Variants in RBM27 observed in about 807,000 individuals in gnomAD.
RBM27 encodes the protein RNA binding motif protein 27.
In RBM27, 22 loss-of-function variants were observed where a neutral mutation model predicts 135.3. That is an observed-to-expected ratio of 0.16 (90% CI 0.12 to 0.23). The LOEUF (loss-of-function observed/expected upper bound fraction) is 0.23. RBM27 is among the 10% of genes least tolerant of loss of function. The pLI is 1.00. For missense variants in RBM27, 1,009 were observed against 1,281.0 expected (o/e 0.79, Z 3.24); for synonymous variants, 481 against 442.4 (o/e 1.09, Z -1.10).
rs77117985 is a variant in RBM27 at position 146,236,443 on chromosome 5, A to T, written c.1145-855A>T. On this transcript the variant is annotated intron_variant, in intron 7 of 20. Coordinates refer to ENST00000265271, the MANE Select transcript of RBM27 (RefSeq NM_018989.2). ...AGCCGTTCTCCACCTTCACCCATAG[A>T]GGCAACCAGTCCTGCCTTTTTTCAC... Among the ~76,000 whole-genome samples the T allele has an allele frequency of 1.4e-3, 206 of 152,298 alleles. 1 individual carries two copies. Among genetic ancestry groups the T allele is most frequent in the African/African-American group, 4.9e-3 (204 of 41,574 alleles).
chr5:146,274,529 A>G (rs1013037815), intron 19 of RBM27, among the ~76,000 whole-genome samples: 2 of 152,304 alleles, frequency 1.3e-5, no homozygotes, highest in Middle Eastern at 6.8e-3. Context: ...TTGGCCTCCC[A>G]AAGTGCTGGG....
intron 1 of RBM27, among the ~76,000 whole-genome samples, chr5:146,205,485 C>T (rs780419714): frequency 2.0e-5 from 3 of 152,068 alleles, no homozygotes; most frequent in Admixed American, 2.0e-4. Flanking sequence ...AAAGGAACTT[C>T]TGGGGGACAG....
chr5:146,276,413 C>T (rs896663464), intron 19 of RBM27, among the ~76,000 whole-genome samples: 1 of 152,002 alleles, frequency 6.6e-6, no homozygotes, highest in Non-Finnish European at 1.5e-5. Flanking sequence ...TTATATAATT[C>T]GTTATAATTT....
intron 8 of RBM27, among the ~76,000 whole-genome samples, chr5:146,250,273 T>A (rs989874957): frequency 1.3e-5 from 2 of 151,932 alleles, no homozygotes; most frequent in Admixed American, 1.3e-4. Flanking sequence ...ACCCCGTCTC[T>A]ACTAAAAATA....
chr5:146,276,297 C>T (rs909309095), intron 19 of RBM27, among the ~76,000 whole-genome samples: 7 of 151,984 alleles, frequency 4.6e-5, no homozygotes, highest in South Asian at 4.1e-4. Context: ...AAATTGCATA[C>T]GACAGATGGT....
At position 146,255,852 on chromosome 5, in the gene RBM27, C is replaced by T. The variant is rs542088005; in HGVS notation, c.1594+760C>T. On this transcript the variant is annotated intron_variant, in intron 10 of 20. Coordinates refer to ENST00000265271, the MANE Select transcript of RBM27 (RefSeq NM_018989.2). ...TTTCTTCCTTTCTTTTCCTTTTTTT[C>T]TTCTTCTTCTTTTTTTTTTTTGAAA... 2.6e-3 allele frequency among the ~76,000 whole-genome samples: 383 copies of T among 150,114 alleles called. 4 individuals are homozygous for T. The highest frequency in any genetic ancestry group is 9.1e-3 in the African/African-American group (368 of 40,616).
At chr5:146,222,457 G>T (rs574414550) in intron 2 of RBM27, among the ~76,000 whole-genome samples, 2 of 152,328 alleles carry the variant, frequency 1.3e-5, no homozygotes, top group South Asian at 4.1e-4. Context: ...GCCGAGGCAG[G>T]CAGATCACCT....
intron 8 of RBM27, among the ~76,000 whole-genome samples, chr5:146,248,763 G>A (rs181975216): frequency 3.9e-5 from 6 of 152,270 alleles, no homozygotes; most frequent in Non-Finnish European, 7.4e-5. Context: ...ATCGTGCTCG[G>A]CCTTTCTGTA....
At chr5:146,235,077 A>AAATAAATAAATAAAT (rs757162116) in intron 7 of RBM27, among the ~76,000 whole-genome samples, 75 of 101,312 alleles carry the variant, frequency 7.4e-4, no homozygotes, top group Non-Finnish European at 1.3e-3. Context: ...AATAAATAAA[A>AAATAAATAAATAAAT]GATGGCAAAT....
In RBM27 at chr5:146,251,830, A is replaced by G; in HGVS notation, c.1399A>G (p.Ile467Val). The change falls in exon 9 of 21, where the codon ATT (isoleucine) becomes GTT (valine). Residue 467 changes from isoleucine (I) to valine (V), a missense_variant. Around this residue, in one of 6 missense-constraint regions of RBM27, gnomAD observed 329 missense variants for 368.1 expected, o/e 0.89. Coordinates refer to ENST00000265271, the MANE Select transcript of RBM27 (RefSeq NM_018989.2). ...ACCTCGAAACCTCATGGGATCCTCC[A>G]TTGGATACCATACCTCAGTCTCCAG... ...VPPRNLMGSSIGYHTSVSSPT... is the reference protein window; with the variant it reads ...VPPRNLMGSSVGYHTSVSSPT... 1 of 1,614,078 alleles carries G rather than the reference A, an allele frequency of 6.2e-7. No individual in the cohort carries two copies. The highest frequency in any genetic ancestry group is 1.1e-5 in the South Asian group (1 of 91,072).
chr5:146,259,954 T>C (rs1758311530), intron 11 of RBM27, among the ~76,000 whole-genome samples: 1 of 107,840 alleles, frequency 9.3e-6, no homozygotes, highest in African/African-American at 3.8e-5. Flanking sequence ...CAGTCCGGCC[T>C]GGGCGACAGA....
In RBM27 at chr5:146,271,532, C is replaced by T. The variant is rs781659521; in HGVS notation, c.2846C>T (p.Ser949Phe). ...GTGGGTCGAGGAAAGACCATGTCCT[C>T]TCAAGGTCGAGGAAGAGGCCGAGGG... ...LPVGRGKTMSSQGRGRGRGRG... is the reference protein window; with the variant it reads ...LPVGRGKTMSFQGRGRGRGRG... Residue 949 changes from serine to phenylalanine, a missense_variant, in exon 19 of 21, where the codon TCT becomes TTT. By Grantham distance (155) the Ser-to-Phe change is radical (BLOSUM62 -2). Transcript: ENST00000265271. 1.2e-6 allele frequency: 2 copies of T among 1,613,726 alleles called. No individual in the cohort carries two copies. Among genetic ancestry groups the T allele is most frequent in the South Asian group, 1.1e-5 (1 of 91,058 alleles).
chr5:146,232,055 A>G (rs1261500184), intron 6 of RBM27, among the ~76,000 whole-genome samples: 1 of 152,220 alleles, frequency 6.6e-6, no homozygotes, highest in East Asian at 1.9e-4. Context: ...GGAAGTATTT[A>G]TATATTCATA....
chr5:146,220,243 C>G (rs970380147), intron 2 of RBM27, among the ~76,000 whole-genome samples: 20 of 152,098 alleles, frequency 1.3e-4, no homozygotes, highest in Admixed American at 9.8e-4. Context: ...TTTGGGAGGC[C>G]GAAGCGGGTG....
At chr5:146,221,208 T>G (rs963886110) in intron 2 of RBM27, among the ~76,000 whole-genome samples, 1 of 151,472 alleles carries the variant, frequency 6.6e-6, no homozygotes, top group Non-Finnish European at 1.5e-5. Context: ...ATAGGTAATA[T>G]ATATGAGAAG....
At chr5:146,259,833 C>T (rs1758303697) in intron 11 of RBM27, among the ~76,000 whole-genome samples, 2 of 149,358 alleles carry the variant, frequency 1.3e-5, no homozygotes, top group South Asian at 2.1e-4. Flanking sequence ...ATTAGCCGGG[C>T]GCAGTGGCGG....
chr5:146,224,031 A>G (rs1561530215), intron 3 of RBM27, among the ~76,000 whole-genome samples: 1 of 152,198 alleles, frequency 6.6e-6, no homozygotes, highest in East Asian at 1.9e-4. Context: ...TGGTAACCTA[A>G]TTGTTTGAAC....
chr5:146,260,684 A>G, intron 11 of RBM27, 61 bp from the exon 12 acceptor site: 2 of 1,414,214 alleles, frequency 1.4e-6, no homozygotes, highest in East Asian at 2.4e-5. Flanking sequence ...CTTTGTGGTT[A>G]TATCTCTTTG....
intron 8 of RBM27, among the ~76,000 whole-genome samples, chr5:146,244,920 G>A: frequency 6.6e-6 from 1 of 151,582 alleles, no homozygotes; most frequent in East Asian, 1.9e-4. Context: ...GTTGCCCAGG[G>A]TGGAGTGTAG....
Sources: gnomAD v4.1 joint callset for allele counts (sites outside exome capture counted in the v4.1 genomes callset) on GRCh38, gnomAD v4.1.1 for gene constraint, gnomAD v4.1.1 regional missense constraint, MANE v1.5 for transcripts, NCBI Gene and HGNC (gene_info 2026-07-23, HGNC 2026-07-21) for gene names.